Variants in NRXN2 observed in about 807,000 individuals in gnomAD.
NRXN2 encodes neurexin 2.
A neutral mutation model predicts 128.8 loss-of-function variants in NRXN2; 29 were observed. That is an observed-to-expected ratio of 0.23 (90% CI 0.17 to 0.31). The LOEUF (loss-of-function observed/expected upper bound fraction) is 0.31, where lower values mean the gene tolerates loss of function less well. Ranked by LOEUF, NRXN2 falls within the 10% of genes least tolerant of loss-of-function variation. NRXN2 has a pLI of 1.00. For synonymous variants in NRXN2, 1,098 were observed against 1,075.2 expected, an observed-to-expected ratio of 1.02 and a Z score of -0.41; for missense variants, 1,881 against 2,452.6, an observed-to-expected ratio of 0.77 and a Z score of 4.92.
intron 7 of NRXN2, among the ~76,000 whole-genome samples, chr11:64,670,056 A>G (rs2050423045): frequency 6.6e-6 from 1 of 152,046 alleles, no homozygotes. Flanking sequence ...CCAAAGGGAC[A>G]TGAGCAGAAC....
In NRXN2 at chr11:64,648,459, G is replaced by C; in HGVS notation, c.3284-121C>G. ...ACTCTGAGCTCTGCCTGGCTGAAAG[G>C]GCCAAGTACTGATGACAGGGATTGG... On this transcript the variant is annotated intron_variant, in intron 16 of 22. Coordinates refer to ENST00000265459, the MANE Select transcript of NRXN2 (RefSeq NM_015080.4). This position sits in a 1 kb window ranked among gnomAD's most constrained non-coding sequence, Gnocchi z 4.1. 1 of 1,496,138 alleles carries C rather than the reference G, an allele frequency of 6.7e-7. No individual in the cohort carries two copies. Among genetic ancestry groups the C allele is most frequent in the Non-Finnish European group, 9.2e-7 (1 of 1,085,136 alleles). 92.7% of individuals were successfully genotyped at this position (1,496,138 alleles called of 1,614,324 possible).
intron 1 of NRXN2, among the ~76,000 whole-genome samples, chr11:64,718,740 A>G (rs1163541028): frequency 6.6e-6 from 1 of 151,964 alleles, no homozygotes; most frequent in Non-Finnish European, 1.5e-5. Context: ...TGTTTTTTGG[A>G]GGGTCCCCTT....
chr11:64,616,117 C>T (rs1445369509), intron 22 of NRXN2, among the ~76,000 whole-genome samples: 1 of 151,886 alleles, frequency 6.6e-6, no homozygotes, highest in Non-Finnish European at 1.5e-5. Flanking sequence ...TGTATGAGGC[C>T]CCTGGGGTTG....
intron 22 of NRXN2, among the ~76,000 whole-genome samples, chr11:64,619,325 C>A (rs2041981821): frequency 1.3e-5 from 2 of 152,056 alleles, no homozygotes; most frequent in African/African-American, 4.8e-5. Context: ...CTGGCCACAT[C>A]CAGTCCTTTC....
chr11:64,702,813 G>GAAAAAAAAAAAAAGA (rs2055678354), intron 2 of NRXN2, among the ~76,000 whole-genome samples: 1 of 123,536 alleles, frequency 8.1e-6, no homozygotes, highest in Non-Finnish European at 1.7e-5. Flanking sequence ...AAAAAAATTA[G>GAAAAAAAAAAAAAGA]AAAAAAAAAA....
At position 64,668,433 on chromosome 11, in the gene NRXN2, C is replaced by A. The variant is rs1283992563; in HGVS notation, c.1359+10G>T. On this transcript the variant is annotated intron_variant, in intron 8 of 22. Coordinates refer to ENST00000265459, the MANE Select transcript of NRXN2 (RefSeq NM_015080.4). Reference sequence around the variant, plus strand: ...TGAACAGCCTGCAGCCCCTCCCTAGCCCTACTCACGTCCTTGAGGCAGCCC... The same window carrying A: ...TGAACAGCCTGCAGCCCCTCCCTAGACCTACTCACGTCCTTGAGGCAGCCC... 6.2e-7 allele frequency: 1 copy of A among 1,613,350 alleles called. No individual in the cohort carries two copies. The highest frequency in any genetic ancestry group is 1.7e-5 in the Admixed American group (1 of 60,028).
At chr11:64,655,751 G>C (rs2048182476) in intron 11 of NRXN2, among the ~76,000 whole-genome samples, 1 of 152,160 alleles carries the variant, frequency 6.6e-6, no homozygotes, top group Non-Finnish European at 1.5e-5. Flanking sequence ...GGGTTTGCAA[G>C]AGCAAACGAC....
intron 2 of NRXN2, among the ~76,000 whole-genome samples, chr11:64,702,806 A>G (rs1428088017): frequency 1.3e-5 from 2 of 150,706 alleles, no homozygotes; most frequent in Non-Finnish European, 3.0e-5. Context: ...ATAAAAAAAA[A>G]AAATTAGAAA....
At chr11:64,655,167 T>G (rs2048071844) in intron 11 of NRXN2, among the ~76,000 whole-genome samples, 1 of 152,182 alleles carries the variant, frequency 6.6e-6, no homozygotes, top group Admixed American at 6.5e-5. Flanking sequence ...CCCCTGTGGC[T>G]TTGAGGGCCA....
chr11:64,697,439 A>C (rs974672332), intron 3 of NRXN2, among the ~76,000 whole-genome samples: 1 of 152,088 alleles, frequency 6.6e-6, no homozygotes, highest in African/African-American at 2.4e-5. Flanking sequence ...GGCTGGGCTA[A>C]ACGTTGTCTA....
intron 6 of NRXN2, 35 bp from the exon 7 acceptor site, chr11:64,677,072 G>A (rs1368581665): frequency 7.9e-7 from 1 of 1,269,680 alleles, no homozygotes; most frequent in Non-Finnish European, 1.1e-6. Flanking sequence ...GGGAGGAGGG[G>A]GGTGTCAAAA....
chr11:64,630,381 C>G lies in NRXN2; in HGVS notation c.3757+21G>C. On this transcript the variant is annotated intron_variant, in intron 19 of 22. Transcript: ENST00000265459. This position sits in a 1 kb window ranked among gnomAD's most constrained non-coding sequence, Gnocchi z 4.6. ...CACCCGCCCCGCCACCGCGCCTCCT[C>G]CGCGGGCCCGCGCCGCCTACCTGCC... is the stretch of plus-strand genomic sequence containing the variant. 6.2e-7 allele frequency: 1 copy of G among 1,603,034 alleles called. No homozygotes were observed. Among genetic ancestry groups the G allele is most frequent in the Non-Finnish European group, 8.5e-7 (1 of 1,176,298 alleles).
rs745828988 is a variant in NRXN2 at position 64,667,506 on chromosome 11, A to T, written c.1542T>A (p.Thr514=). 2.5e-6 allele frequency: 4 copies of T among 1,614,094 alleles called. No homozygotes were observed. The highest frequency in any genetic ancestry group is 3.4e-6 in the Non-Finnish European group (4 of 1,179,992). ...TGCGGAAGTCTAGGGAGATGGAGCC[A>T]GTGCGCTTAGCGCTCCAGCGGGGCA... ...VALPRWSAKR[T]GSISLDFRTT... The change falls in exon 9 of 23, where the codon ACT becomes ACA. Residue 514 remains threonine, a synonymous_variant. Coordinates refer to ENST00000265459, the MANE Select transcript of NRXN2 (RefSeq NM_015080.4). This position sits in a 1 kb window ranked among gnomAD's most constrained non-coding sequence, Gnocchi z 5.6.
chr11:64,685,985 A>G, intron 5 of NRXN2, 38 bp from the exon 6 acceptor site: 2 of 1,611,628 alleles, frequency 1.2e-6, no homozygotes, highest in Non-Finnish European at 1.7e-6. Context: ...AGAAGGCTGA[A>G]TGGGGCAGGG....
At position 64,614,842 on chromosome 11, in the gene NRXN2, T is replaced by C. The variant is rs561005263; in HGVS notation, c.4252+5452A>G. ...TCCCCATTCCAGAGGAGCCAGGTCT[T>C]GACTGGATGCGGTGGGCCACCATCT... On this transcript the variant is annotated intron_variant, in intron 22 of 22. Transcript: ENST00000265459. 7.9e-5 allele frequency among the ~76,000 whole-genome samples: 12 copies of C among 152,360 alleles called. No individual in the cohort carries two copies. The South Asian group carries it at 2.5e-3, about 32-fold the overall frequency.
chr11:64,648,408 G>A lies in NRXN2; in HGVS notation c.3284-70C>T. On this transcript the variant is annotated intron_variant, in intron 16 of 22. Coordinates refer to ENST00000265459, the MANE Select transcript of NRXN2 (RefSeq NM_015080.4). This position sits in a 1 kb window ranked among gnomAD's most constrained non-coding sequence, Gnocchi z 4.1. ...CCCTCTTTCCCCAGGAGGTGTGGAAGCTTCAGAGCCAGGCAGAGAGGTCCT... is the reference window on the plus strand; with the variant it reads ...CCCTCTTTCCCCAGGAGGTGTGGAAACTTCAGAGCCAGGCAGAGAGGTCCT... The A allele has an allele frequency of 3.1e-6, 5 of 1,610,568 alleles. No homozygotes were observed. The highest frequency in any genetic ancestry group is 4.2e-6 in the Non-Finnish European group (5 of 1,178,180).
At position 64,651,428 on chromosome 11, in the gene NRXN2, G is replaced by T. The variant is rs526338; in HGVS notation, c.2745C>A (p.Ile915=). The change falls in exon 14 of 23, where the codon ATC becomes ATA. Residue 915 remains isoleucine (I), a synonymous_variant. Coordinates refer to ENST00000265459, the MANE Select transcript of NRXN2 (RefSeq NM_015080.4). The surrounding 1 kb of genome is among the most constrained non-coding windows in gnomAD (Gnocchi z 5.9). ...ELNARFGLRA[I]VADPVTFKSR... The stretch of plus-strand genomic sequence containing the variant: ...TCTTGAAGGTGACGGGATCGGCCAC[G>T]ATGGCACGCAGGCCAAAGCGAGCAT... 6.2e-7 allele frequency: 1 copy of T among 1,613,788 alleles called. No homozygotes were observed. The highest frequency in any genetic ancestry group is 8.5e-7 in the Non-Finnish European group (1 of 1,179,914).
intron 22 of NRXN2, among the ~76,000 whole-genome samples, chr11:64,615,707 C>A (rs2135291942): frequency 6.6e-6 from 1 of 152,308 alleles, no homozygotes; most frequent in Admixed American, 6.5e-5. Context: ...TGTACTGTGT[C>A]TGAACATGTG....
chr11:64,640,315 T>C (rs958121869), intron 17 of NRXN2, among the ~76,000 whole-genome samples: 1 of 152,202 alleles, frequency 6.6e-6, no homozygotes, highest in Non-Finnish European at 1.5e-5. Flanking sequence ...CCCTCCTTCC[T>C]ACCTGCTCAG....
Sources: allele counts gnomAD v4.1 joint callset (sites outside exome capture counted in the v4.1 genomes callset), GRCh38; gene constraint gnomAD v4.1.1; non-coding constraint Gnocchi (gnomAD v3.1); transcripts MANE v1.5; gene names NCBI Gene and HGNC (gene_info 2026-07-23, HGNC 2026-07-21).